Variants in STIM1 observed in about 807,000 individuals in gnomAD.
STIM1 encodes the protein stromal interaction molecule 1.
In STIM1, 25 loss-of-function variants were observed where a neutral mutation model predicts 74.7. The observed-to-expected ratio is 0.33, with a 90% CI of 0.24 to 0.47. The LOEUF is 0.47. Ranked by LOEUF, STIM1 falls within the 20% of genes least tolerant of loss-of-function variation. The pLI, the probability that STIM1 is intolerant of heterozygous loss-of-function variation, is 1.00. For missense variants in STIM1, 728 were observed against 920.8 expected (o/e 0.79, Z 2.71); for synonymous variants, 328 against 348.8 (o/e 0.94, Z 0.66).
chr11:3,885,779 A>G (rs1381762455), intron 1 of STIM1, among the ~76,000 whole-genome samples: 3 of 152,170 alleles, frequency 2.0e-5, no homozygotes, highest in Non-Finnish European at 4.4e-5. Flanking sequence ...CTGGGACTGC[A>G]GGCATGAGCA....
chr11:3,979,344 T>C (rs1322496797), intron 2 of STIM1, among the ~76,000 whole-genome samples: 1 of 152,216 alleles, frequency 6.6e-6, no homozygotes, highest in Non-Finnish European at 1.5e-5. Context: ...TTGGGTTCTG[T>C]GTCTCCTGCA....
intron 2 of STIM1, among the ~76,000 whole-genome samples, chr11:4,009,351 G>T (rs1465652242): frequency 6.6e-6 from 1 of 150,974 alleles, no homozygotes; most frequent in African/African-American, 2.4e-5. Context: ...GGTGGCTCAC[G>T]CCTGTAATCC....
intron 2 of STIM1, among the ~76,000 whole-genome samples, chr11:3,991,169 C>CTTTTT (rs1246143538): frequency 2.3e-4 from 29 of 124,178 alleles, no homozygotes; most frequent in East Asian, 4.7e-4. Context: ...TCTTTCCTTT[C>CTTTTT]TTTTTTTTTT....
At chr11:3,937,317 T>TAATAATAATAATAATAATAAA (rs1224367253) in intron 1 of STIM1, among the ~76,000 whole-genome samples, 220 of 149,432 alleles carry the variant, frequency 1.5e-3, no homozygotes, top group Non-Finnish European at 2.4e-3. Context: ...ATAATAATAA[T>TAATAATAATAATAATAATAAA]AAAATATCTG....
chr11:3,902,499 C>T (rs568999791), intron 1 of STIM1, among the ~76,000 whole-genome samples: 1 of 152,290 alleles, frequency 6.6e-6, no homozygotes, highest in East Asian at 1.9e-4. Context: ...ATTAGATTCT[C>T]ATAAGGAGCA....
intron 1 of STIM1, among the ~76,000 whole-genome samples, chr11:3,865,695 C>A (rs565359781): frequency 2.6e-5 from 4 of 152,150 alleles, no homozygotes; most frequent in Admixed American, 6.5e-5. Flanking sequence ...CAGGTCAGAG[C>A]CTTATGTTGT....
intron 2 of STIM1, among the ~76,000 whole-genome samples, chr11:4,005,983 G>T (rs1230706560): frequency 6.6e-6 from 1 of 152,104 alleles, no homozygotes; most frequent in Non-Finnish European, 1.5e-5. Context: ...AATAAGAGTT[G>T]GTAAACTTTT....
At chr11:3,855,629 G>A (rs1224980882), upstream of STIM1, 2 of 132,876 alleles carry the variant, frequency 1.5e-5, no homozygotes, top group Non-Finnish European at 3.3e-5. Context: ...GCCCCCGCCC[G>A]CCCCGGGCCC....
intron 4 of STIM1, among the ~76,000 whole-genome samples, chr11:4,058,493 T>C (rs141065376): frequency 1.6e-3 from 240 of 152,330 alleles, no homozygotes; most frequent in Non-Finnish European, 2.8e-3. Flanking sequence ...TAGAGTAGTA[T>C]AGAATTAAGT....
chr11:4,088,696 C>T, intron 12 of STIM1: 2 of 1,535,694 alleles, frequency 1.3e-6, no homozygotes, highest in African/African-American at 1.4e-5. Flanking sequence ...TTGCACCACG[C>T]ACCAGAGGAT....
At chr11:3,927,098 C>A (rs2092798393) in intron 1 of STIM1, among the ~76,000 whole-genome samples, 1 of 152,206 alleles carries the variant, frequency 6.6e-6, no homozygotes, top group Non-Finnish European at 1.5e-5. Flanking sequence ...ATATGAAGAG[C>A]TCAATGAATG....
intron 2 of STIM1, among the ~76,000 whole-genome samples, chr11:3,994,757 C>A (rs1052156237): frequency 6.6e-6 from 1 of 152,042 alleles, no homozygotes; most frequent in Non-Finnish European, 1.5e-5. Context: ...TCTTTATCTT[C>A]CCCTTCTGGT....
chr11:3,947,503 A>G (rs914623344), intron 1 of STIM1: 1 of 152,174 alleles, frequency 6.6e-6, no homozygotes, highest in Non-Finnish European at 1.5e-5. Flanking sequence ...TCTCTTGTTT[A>G]TTACTGCTGA....
chr11:4,040,606 T>G (rs1439048986), intron 3 of STIM1, among the ~76,000 whole-genome samples: 1 of 152,224 alleles, frequency 6.6e-6, no homozygotes, highest in African/African-American at 2.4e-5. Flanking sequence ...GTGCAGCATT[T>G]TATATGATTT....
At chr11:3,908,473 G>A (rs753820528) in intron 1 of STIM1, among the ~76,000 whole-genome samples, 6 of 152,076 alleles carry the variant, frequency 3.9e-5, no homozygotes, top group Non-Finnish European at 8.8e-5. Context: ...TTAGCTGGGC[G>A]TGGTGGCGGG....
At chr11:3,947,960 CT>C (rs2093099971) in intron 1 of STIM1, among the ~76,000 whole-genome samples, 1 of 152,154 alleles carries the variant, frequency 6.6e-6, no homozygotes, top group Non-Finnish European at 1.5e-5. Context: ...CCCTTTCTCC[CT>C]TAGACAGTTA....
chr11:3,938,663 A>G (rs2092966087), intron 1 of STIM1, among the ~76,000 whole-genome samples: 1 of 152,162 alleles, frequency 6.6e-6, no homozygotes, highest in Non-Finnish European at 1.5e-5. Context: ...CCTGGCCAAC[A>G]TGGAGAAGCC....
intron 1 of STIM1, among the ~76,000 whole-genome samples, chr11:3,896,053 C>A (rs1041427826): frequency 4.0e-4 from 61 of 151,560 alleles, no homozygotes; most frequent in Non-Finnish European, 7.8e-4. Flanking sequence ...TACAGGCGCC[C>A]ACCACCACAC....
intron 7 of STIM1, among the ~76,000 whole-genome samples, chr11:4,080,274 A>T (rs1329030481): frequency 6.6e-6 from 1 of 152,000 alleles, no homozygotes; most frequent in Admixed American, 6.6e-5. Flanking sequence ...AAAGTTCCCC[A>T]TGTGTTTACA....
Sources: allele counts gnomAD v4.1 joint callset (sites outside exome capture counted in the v4.1 genomes callset), GRCh38; gene constraint gnomAD v4.1.1; transcripts MANE v1.5; gene names NCBI Gene and HGNC (gene_info 2026-07-23, HGNC 2026-07-21).